The following FOXP2 variants were observed in gnomAD, a reference collection of about 807,000 sequenced individuals.
FOXP2 encodes the protein forkhead box P2.
In FOXP2, 12 loss-of-function variants were observed where a neutral mutation model predicts 115.8. The ratio of observed to expected loss-of-function variants is 0.10; its 90% CI spans 0.07 to 0.17. The LOEUF is 0.17. FOXP2 is among the 10% of genes least tolerant of loss of function. The probability of loss-of-function intolerance (pLI) is 1.00; values close to 1 mark genes in which losing one functional copy is unlikely to be tolerated. For synonymous variants in FOXP2, 328 were observed against 297.7 expected, an observed-to-expected ratio of 1.10 and a Z score of -1.05; for missense variants, 629 against 843.5, an observed-to-expected ratio of 0.75 and a Z score of 3.15.
intron 14 of FOXP2, among the ~76,000 whole-genome samples, chr7:114,663,165 C>T (rs1806967813): frequency 6.6e-6 from 1 of 151,992 alleles, no homozygotes; most frequent in Non-Finnish European, 1.5e-5. Flanking sequence ...CAAATGAAAC[C>T]TTCACACAAC....
intron 16 of FOXP2, among the ~76,000 whole-genome samples, chr7:114,687,132 A>T (rs1053863240): frequency 6.6e-6 from 1 of 152,170 alleles, no homozygotes; most frequent in Non-Finnish European, 1.5e-5. Context: ...CGGCATATAG[A>T]TTTTTATATT....
intron 1 of FOXP2, among the ~76,000 whole-genome samples, chr7:114,141,610 G>A (rs369011517): frequency 2.0e-5 from 3 of 152,186 alleles, no homozygotes; most frequent in South Asian, 4.1e-4. Context: ...GAATCCTGGG[G>A]CAGCCAGAGC....
intron 2 of FOXP2, among the ~76,000 whole-genome samples, chr7:114,516,379 C>A (rs1357581288): frequency 3.3e-5 from 5 of 152,066 alleles, no homozygotes; most frequent in African/African-American, 1.2e-4. Flanking sequence ...GAAACTGGAT[C>A]CCTTCCTTAC....
At chr7:114,206,977 C>A (rs1020967156) in intron 1 of FOXP2, among the ~76,000 whole-genome samples, 6 of 152,202 alleles carry the variant, frequency 3.9e-5, no homozygotes, top group African/African-American at 1.4e-4. Flanking sequence ...CCTCCCCCTA[C>A]TCTGTAGTCC....
intron 2 of FOXP2, among the ~76,000 whole-genome samples, chr7:114,403,313 T>G (rs1212182679): frequency 6.6e-6 from 1 of 152,166 alleles, no homozygotes; most frequent in African/African-American, 2.4e-5. Flanking sequence ...AAAAACCATC[T>G]TGATTCTCAG....
chr7:114,545,852 G>A (rs1799896488), intron 3 of FOXP2, among the ~76,000 whole-genome samples: 1 of 152,036 alleles, frequency 6.6e-6, no homozygotes, highest in Non-Finnish European at 1.5e-5. Context: ...ACTTGGTGAA[G>A]TCTCCTTTAA....
chr7:114,280,752 T>C (rs1796315391), intron 1 of FOXP2, among the ~76,000 whole-genome samples: 2 of 152,162 alleles, frequency 1.3e-5, no homozygotes, highest in Admixed American at 1.3e-4. Context: ...CATGAGAAAT[T>C]CAGAAGGGTA....
chr7:114,099,378 TGTC>T (rs775962376), intron 1 of FOXP2, among the ~76,000 whole-genome samples: 8 of 152,080 alleles, frequency 5.3e-5, no homozygotes, highest in Admixed American at 1.3e-4. Context: ...AGATAACAAA[TGTC>T]GTGCTTCTGT....
At chr7:114,360,061 G>A (rs954422490) in intron 2 of FOXP2, among the ~76,000 whole-genome samples, 6 of 152,202 alleles carry the variant, frequency 3.9e-5, no homozygotes, top group Admixed American at 2.6e-4. Context: ...CATGTGTCAT[G>A]GGAGGGATGC....
chr7:114,333,488 C>T (rs1332546004), intron 2 of FOXP2, among the ~76,000 whole-genome samples: 2 of 152,220 alleles, frequency 1.3e-5, no homozygotes, highest in African/African-American at 4.8e-5. Flanking sequence ...GTGGGTGGCT[C>T]ACGCCTGTAA....
intron 2 of FOXP2, among the ~76,000 whole-genome samples, chr7:114,328,001 G>A (rs1471238758): frequency 6.6e-6 from 1 of 150,522 alleles, no homozygotes; most frequent in East Asian, 2.0e-4. Context: ...GCTCACTGCA[G>A]CCTCAACTTT....
chr7:114,342,483 T>C (rs934799676), intron 2 of FOXP2, among the ~76,000 whole-genome samples: 5 of 151,420 alleles, frequency 3.3e-5, no homozygotes, highest in Non-Finnish European at 1.5e-5. Context: ...TATTTACTTA[T>C]AAAAATGAGA....
intron 2 of FOXP2, among the ~76,000 whole-genome samples, chr7:114,333,268 G>A (rs1196380431): frequency 6.6e-6 from 1 of 152,058 alleles, no homozygotes; most frequent in Non-Finnish European, 1.5e-5. Context: ...TTAACCAGCT[G>A]GTAACTTCCA....
intron 1 of FOXP2, among the ~76,000 whole-genome samples, chr7:114,206,303 C>A (rs1025930583): frequency 1.3e-5 from 2 of 152,106 alleles, no homozygotes; most frequent in African/African-American, 4.8e-5. Flanking sequence ...CTTGACCTAA[C>A]TCTTATCTAT....
At chr7:114,642,076 G>T (rs1372795421) in intron 6 of FOXP2, among the ~76,000 whole-genome samples, 2 of 152,038 alleles carry the variant, frequency 1.3e-5, no homozygotes, top group African/African-American at 4.8e-5. Flanking sequence ...AGAGTGCTGG[G>T]ATTACAGGCG....
At chr7:114,542,794 GTT>G (rs201884118) in intron 3 of FOXP2, among the ~76,000 whole-genome samples, 14,262 of 138,868 alleles carry the variant, frequency 0.1, 1,488 homozygotes, top group African/African-American at 0.27. Context: ...TTTGTTTTTT[GTT>G]TTTTTTTTTT....
chr7:114,446,463 A>T (rs758591867), intron 2 of FOXP2, among the ~76,000 whole-genome samples: 1 of 152,010 alleles, frequency 6.6e-6, no homozygotes, highest in Non-Finnish European at 1.5e-5. Flanking sequence ...TAATCTATTA[A>T]TATAAAATAT....
intron 2 of FOXP2, among the ~76,000 whole-genome samples, chr7:114,312,201 A>G (rs1189614855): frequency 6.6e-6 from 1 of 152,158 alleles, no homozygotes; most frequent in African/African-American, 2.4e-5. Context: ...TGGGGATTCC[A>G]TGATTCAGTA....
At chr7:114,559,134 C>T (rs1245656668) in intron 3 of FOXP2, among the ~76,000 whole-genome samples, 1 of 152,166 alleles carries the variant, frequency 6.6e-6, no homozygotes, top group Non-Finnish European at 1.5e-5. Flanking sequence ...TATCTCATGT[C>T]AGAAGCACCT....
Sources: gnomAD v4.1 joint callset for allele counts (sites outside exome capture counted in the v4.1 genomes callset) on GRCh38, gnomAD v4.1.1 for gene constraint, MANE v1.5 for transcripts, NCBI Gene and HGNC (gene_info 2026-07-23, HGNC 2026-07-21) for gene names.